The following SORBS2 variants were observed in gnomAD, a reference collection of about 807,000 sequenced individuals.
SORBS2 encodes sorbin and SH3 domain-containing protein 2.
In SORBS2, 46 loss-of-function variants were observed where a neutral mutation model predicts 97.7. The observed-to-expected ratio is 0.47, with a 90% CI of 0.37 to 0.60. SORBS2 has a LOEUF of 0.60. SORBS2 is among the 20% of genes least tolerant of loss of function. The pLI is 0.00. For synonymous variants in SORBS2, 476 were observed against 473.4 expected (o/e 1.01, Z -0.07); for missense variants, 1,316 against 1,282.3 (o/e 1.03, Z -0.40).
intron 1 of SORBS2, among the ~76,000 whole-genome samples, chr4:185,922,311 C>T (rs892173095): frequency 3.9e-5 from 6 of 152,154 alleles, no homozygotes; most frequent in African/African-American, 1.4e-4. Flanking sequence ...TGGAGTGCAT[C>T]ACTCAGAATG....
Position 185,684,680 on chromosome 4 carries a change from C to A in SORBS2, c.-197-5858G>T. 1 of 1,085,208 alleles carries A rather than the reference C, an allele frequency of 9.2e-7. No homozygotes were observed. The highest frequency in any genetic ancestry group is 1.3e-6 in the Non-Finnish European group (1 of 744,052). The allele number at this position is 1,085,208 out of a possible 1,614,324, so 67.2% of individuals were successfully genotyped here. A position where few individuals can be genotyped will look rare whatever the true frequency, so the allele number is the denominator to read the frequency against. ...AGATCTCATTTTCCTTTGCTTTTTA[C>A]GTTTAGAACAAAAACAGTCAGAAGA... On this transcript the variant is annotated intron_variant, in intron 2 of 20. Transcript: ENST00000284776. The surrounding 1 kb of genome is among the most constrained non-coding windows in gnomAD (Gnocchi z 4.2).
intron 2 of SORBS2, chr4:185,690,603 T>C: frequency 6.8e-7 from 1 of 1,476,052 alleles, no homozygotes; most frequent in Non-Finnish European, 9.2e-7. Context: ...ATTAAAGTCT[T>C]CAGTTTTCCT....
chr4:185,711,980 CT>C (rs2153547625), intron 2 of SORBS2, among the ~76,000 whole-genome samples: 1 of 152,256 alleles, frequency 6.6e-6, no homozygotes, highest in African/African-American at 2.4e-5. Context: ...TCATATTTGA[CT>C]CATAACTCCT....
At chr4:185,612,649 C>T (rs1202071463) in intron 11 of SORBS2, among the ~76,000 whole-genome samples, 12 of 151,816 alleles carry the variant, frequency 7.9e-5, no homozygotes, top group Admixed American at 2.6e-4. Context: ...CCACCAGGCC[C>T]GGCTAATTTT....
chr4:185,625,765 A>G (rs2096800265), intron 6 of SORBS2, among the ~76,000 whole-genome samples: 2 of 152,224 alleles, frequency 1.3e-5, no homozygotes, highest in African/African-American at 4.8e-5. Flanking sequence ...ACAGCTTTAC[A>G]AGGCCTTAAA....
At chr4:185,656,749 G>A (rs902462618) in exon 1 of SORBS2, 81 of 1,529,930 alleles carry the variant, frequency 5.3e-5, no homozygotes, top group Middle Eastern at 1.7e-4. Context: ...CTACTGCTGC[G>A]TTTTGCCGGA....
chr4:185,678,663 A>C, intron 3 of SORBS2, 116 bp from the exon 7 acceptor site: 3 of 1,266,600 alleles, frequency 2.4e-6, no homozygotes, highest in East Asian at 2.6e-5. Flanking sequence ...TAGTGTTCTT[A>C]CTAGAGGTTT....
intron 1 of SORBS2, among the ~76,000 whole-genome samples, chr4:185,902,774 A>G (rs1355654201): frequency 6.6e-6 from 1 of 152,008 alleles, no homozygotes; most frequent in Non-Finnish European, 1.5e-5. Context: ...CTGCTAGAAC[A>G]TTTCCTGTGT....
At chr4:185,672,767 G>T (rs1242184172) in intron 4 of SORBS2, among the ~76,000 whole-genome samples, 1 of 152,130 alleles carries the variant, frequency 6.6e-6, no homozygotes, top group Non-Finnish European at 1.5e-5. Flanking sequence ...TAATTCCTGG[G>T]AGCCTAATTC....
chr4:185,700,731 T>G (rs1056196019), intron 2 of SORBS2, among the ~76,000 whole-genome samples: 1 of 152,196 alleles, frequency 6.6e-6, no homozygotes, highest in Non-Finnish European at 1.5e-5. Flanking sequence ...GTTTAAGACT[T>G]CAGAACTGTA....
chr4:185,954,304 C>T (rs1209999726), intron 1 of SORBS2, among the ~76,000 whole-genome samples: 1 of 152,154 alleles, frequency 6.6e-6, no homozygotes, highest in Non-Finnish European at 1.5e-5. Flanking sequence ...AGACAATAAT[C>T]TCACATACAT....
At chr4:185,874,706 T>C (rs1476567841) in intron 1 of SORBS2, among the ~76,000 whole-genome samples, 1 of 152,182 alleles carries the variant, frequency 6.6e-6, no homozygotes, top group Non-Finnish European at 1.5e-5. Flanking sequence ...TCTTTATGTA[T>C]TTCATCATTG....
chr4:185,809,397 C>T (rs771853898), intron 1 of SORBS2, among the ~76,000 whole-genome samples: 2 of 125,892 alleles, frequency 1.6e-5, no homozygotes, highest in Non-Finnish European at 3.1e-5. Flanking sequence ...CGTATGAAAG[C>T]AGCTGTCCTT....
At chr4:185,608,055 C>T (rs1307455761) in intron 12 of SORBS2, among the ~76,000 whole-genome samples, 1 of 152,142 alleles carries the variant, frequency 6.6e-6, no homozygotes, top group Non-Finnish European at 1.5e-5. Flanking sequence ...TTTCCAGATA[C>T]TGACTTAGTA....
chr4:185,771,605 T>TC (rs1399847145), intron 2 of SORBS2: 2 of 152,374 alleles, frequency 1.3e-5, no homozygotes, highest in East Asian at 3.8e-4. Flanking sequence ...CCACTGCATG[T>TC]CACCTGCTAA....
At chr4:185,727,937 T>C (rs913084008) in intron 2 of SORBS2, among the ~76,000 whole-genome samples, 57 of 152,380 alleles carry the variant, frequency 3.7e-4, no homozygotes, top group African/African-American at 1.2e-3. Flanking sequence ...CCCATCCTTA[T>C]GGTATAATCC....
At chr4:185,932,138 G>A (rs2099266825) in intron 1 of SORBS2, among the ~76,000 whole-genome samples, 1 of 151,670 alleles carries the variant, frequency 6.6e-6, no homozygotes, top group East Asian at 1.9e-4. Flanking sequence ...AAACCACTTG[G>A]AGGAAGGGGC....
chr4:185,746,874 C>T (rs538336770), intron 2 of SORBS2, among the ~76,000 whole-genome samples: 3 of 152,288 alleles, frequency 2.0e-5, no homozygotes, highest in East Asian at 1.9e-4. Context: ...ATTCATGTAT[C>T]GAAGGACTGG....
chr4:185,895,514 T>C (rs2099244579), intron 1 of SORBS2, among the ~76,000 whole-genome samples: 1 of 152,216 alleles, frequency 6.6e-6, no homozygotes, highest in African/African-American at 2.4e-5. Flanking sequence ...GCAGCGGTCA[T>C]GGCGCCCGGG....
Sources: allele counts gnomAD v4.1 joint callset (sites outside exome capture counted in the v4.1 genomes callset), GRCh38; gene constraint gnomAD v4.1.1; non-coding constraint Gnocchi (gnomAD v3.1); transcripts MANE v1.5; gene names NCBI Gene and HGNC (gene_info 2026-07-23, HGNC 2026-07-21).